LMX1A: variants seen among roughly 807,000 people sequenced by gnomAD.
The protein encoded by LMX1A is LIM homeobox transcription factor 1-alpha.
LMX1A carries 15 observed loss-of-function variants against 49.1 expected under a neutral mutation model. That is an observed-to-expected ratio of 0.31 (90% CI 0.20 to 0.47). LMX1A has a LOEUF of 0.47. Ranked by LOEUF, LMX1A falls within the 20% of genes least tolerant of loss-of-function variation. The probability of loss-of-function intolerance (pLI) is 1.00; values close to 1 mark genes in which losing one functional copy is unlikely to be tolerated. For synonymous variants in LMX1A, 167 were observed against 185.7 expected, an observed-to-expected ratio of 0.90 and a Z score of 0.82; for missense variants, 372 against 475.8, an observed-to-expected ratio of 0.78 and a Z score of 2.03.
At chr1:165,220,322 C>T (rs773977406) in intron 4 of LMX1A, among the ~76,000 whole-genome samples, 1 of 151,858 alleles carries the variant, frequency 6.6e-6, no homozygotes, top group Non-Finnish European at 1.5e-5. Flanking sequence ...ATCAATTAGC[C>T]AGAGAAGTTA....
intron 3 of LMX1A, among the ~76,000 whole-genome samples, chr1:165,273,966 G>A (rs530540618): frequency 1.4e-3 from 215 of 152,314 alleles, no homozygotes; most frequent in African/African-American, 5.1e-3. Context: ...TACCCAAGAC[G>A]TTCCTCAAGC....
intron 3 of LMX1A, among the ~76,000 whole-genome samples, chr1:165,297,054 C>T (rs548797395): frequency 5.9e-5 from 9 of 152,280 alleles, no homozygotes; most frequent in Admixed American, 3.3e-4. Flanking sequence ...CCCAGCAGAC[C>T]GTGAAGGAAG....
intron 4 of LMX1A, among the ~76,000 whole-genome samples, chr1:165,238,342 T>A (rs530754259): frequency 5.3e-5 from 8 of 152,222 alleles, no homozygotes; most frequent in Non-Finnish European, 1.2e-4. Flanking sequence ...TGATTTTTCC[T>A]ACTACTATCA....
At chr1:165,210,814 A>G (rs1312268029) in intron 5 of LMX1A, 38 bp from the exon 6 acceptor site, 2 of 1,504,336 alleles carry the variant, frequency 1.3e-6, no homozygotes, top group Admixed American at 1.7e-5. Context: ...ACACACTGGC[A>G]TCTCAGGGTA....
chr1:165,208,687 G>A, intron 6 of LMX1A, among the ~76,000 whole-genome samples: 1 of 114,090 alleles, frequency 8.8e-6, no homozygotes, highest in Non-Finnish European at 1.8e-5. Context: ...CACCCAGGCT[G>A]GAGTGCTGGA....
At position 165,201,910 on chromosome 1, in the gene LMX1A, G is replaced by T. The variant is rs1382047455; in HGVS notation, c.*1970C>A. ...AATTTCATCTTGGTATGCCATTAAG[G>T]AGTGGAATAAGGATCTCTATTCATT... On this transcript the variant is annotated 3_prime_UTR_variant, in exon 9 of 9. Coordinates refer to ENST00000342310, the MANE Select transcript of LMX1A (RefSeq NM_177398.4). 1 of 152,424 alleles carries T rather than the reference G, an allele frequency of 6.6e-6. No homozygotes were observed. Among genetic ancestry groups the T allele is most frequent in the East Asian group, 1.9e-4 (1 of 5,176 alleles). The allele number at this position is 152,424 out of a possible 1,614,324, so 9.4% of individuals were successfully genotyped here. A position where few individuals can be genotyped will look rare whatever the true frequency, so the allele number is the denominator to read the frequency against.
chr1:165,298,707 C>A (rs1654693501), intron 3 of LMX1A, among the ~76,000 whole-genome samples: 1 of 152,190 alleles, frequency 6.6e-6, no homozygotes, highest in Non-Finnish European at 1.5e-5. Flanking sequence ...AAGGAGCCTC[C>A]AAGGCCTACA....
At chr1:165,222,234 A>T (rs1469576464) in intron 4 of LMX1A, among the ~76,000 whole-genome samples, 2 of 152,170 alleles carry the variant, frequency 1.3e-5, no homozygotes, top group African/African-American at 2.4e-5. Flanking sequence ...AGCCTCCAAG[A>T]AGGAGACTGT....
At chr1:165,316,577 G>A (rs184926622) in intron 3 of LMX1A, among the ~76,000 whole-genome samples, 3 of 152,292 alleles carry the variant, frequency 2.0e-5, no homozygotes, top group Admixed American at 6.5e-5. Flanking sequence ...GGAAAAACTG[G>A]GGCTTCCCGG....
At chr1:165,276,110 C>G (rs947527397) in intron 3 of LMX1A, among the ~76,000 whole-genome samples, 1 of 152,016 alleles carries the variant, frequency 6.6e-6, no homozygotes, top group East Asian at 1.9e-4. Context: ...ATCAAGTGTG[C>G]CCCTTCAGAG....
intron 4 of LMX1A, 53 bp from the exon 5 acceptor site, chr1:165,213,866 C>A (rs1458180374): frequency 1.3e-6 from 2 of 1,560,258 alleles, no homozygotes; most frequent in African/African-American, 1.4e-5. Context: ...GTTCCTGGAG[C>A]TGTATGTTAT....
chr1:165,240,652 T>A (rs1417643909), intron 4 of LMX1A, among the ~76,000 whole-genome samples: 1 of 152,244 alleles, frequency 6.6e-6, no homozygotes, highest in Non-Finnish European at 1.5e-5. Flanking sequence ...TTATGGCATG[T>A]AACAGAGTAA....
rs563512202 is a variant in LMX1A, at chr1:165,225,182, G to A, written c.497-11369C>T. Among the ~76,000 whole-genome samples the A allele has an allele frequency of 4.6e-5, 7 of 152,328 alleles. No homozygotes were observed. The South Asian group carries it at 1.2e-3, about 27-fold the overall frequency. ...GCTTGGGGGAAAGAGGGGAGCACTT[G>A]GTCAGGAGGCCCTCAGCCCTGGCAG... On this transcript the variant is annotated intron_variant, in intron 4 of 8. Transcript: ENST00000342310.
intron 6 of LMX1A, among the ~76,000 whole-genome samples, chr1:165,210,053 T>C (rs1651306947): frequency 6.6e-6 from 1 of 152,258 alleles, no homozygotes; most frequent in African/African-American, 2.4e-5. Flanking sequence ...CATTCTGCGC[T>C]GATTGTTGTA....
At chr1:165,328,934 A>G (rs1655662307) in intron 3 of LMX1A, among the ~76,000 whole-genome samples, 1 of 152,248 alleles carries the variant, frequency 6.6e-6, no homozygotes, top group Non-Finnish European at 1.5e-5. Flanking sequence ...AATGTGCATC[A>G]GGGCATACCT....
At chr1:165,233,183 G>A (rs4657415) in intron 4 of LMX1A, among the ~76,000 whole-genome samples, 4 of 152,114 alleles carry the variant, frequency 2.6e-5, no homozygotes, top group Non-Finnish European at 4.4e-5. Context: ...GGCCGGGCAC[G>A]GCGGCTCATG....
intron 3 of LMX1A, among the ~76,000 whole-genome samples, chr1:165,258,144 T>C (rs1653310302): frequency 6.6e-6 from 1 of 152,222 alleles, no homozygotes; most frequent in Admixed American, 6.5e-5. Context: ...ATTCATTCAG[T>C]GCCATGTTGA....
chr1:165,291,029 C>T (rs1654453958), intron 3 of LMX1A, among the ~76,000 whole-genome samples: 2 of 152,146 alleles, frequency 1.3e-5, no homozygotes, highest in South Asian at 4.1e-4. Flanking sequence ...ATATACCTGC[C>T]CACTGCATTG....
intron 4 of LMX1A, among the ~76,000 whole-genome samples, chr1:165,238,461 A>G (rs971482058): frequency 6.6e-6 from 1 of 152,222 alleles, no homozygotes; most frequent in Non-Finnish European, 1.5e-5. Context: ...TTCCTCATTC[A>G]TATAGCACAT....
Sources: allele counts gnomAD v4.1 joint callset (sites outside exome capture counted in the v4.1 genomes callset), GRCh38; gene constraint gnomAD v4.1.1; transcripts MANE v1.5; gene names NCBI Gene and HGNC (gene_info 2026-07-23, HGNC 2026-07-21).